IQCM: variants seen among roughly 807,000 people sequenced by gnomAD.
IQCM encodes IQ motif containing M, also known as IQ domain-containing protein M.
Under a neutral mutation model 57.6 loss-of-function variants are expected in IQCM, and 45 were observed. That is an observed-to-expected ratio of 0.78 (90% CI 0.62 to 1.00). IQCM has a LOEUF of 1.00. IQCM is among the 50% of genes least tolerant of loss of function. IQCM has a pLI of 0.00. For missense variants in IQCM, 468 were observed against 511.6 expected (o/e 0.91, Z 0.82); for synonymous variants, 148 against 158.9 (o/e 0.93, Z 0.51).
At chr4:149,538,092 G>C (rs1747481717) in intron 12 of IQCM, among the ~76,000 whole-genome samples, 1 of 151,114 alleles carries the variant, frequency 6.6e-6, no homozygotes, top group Middle Eastern at 3.5e-3. Context: ...ATATATGTTA[G>C]TTTTATATAT....
chr4:149,432,418 T>C (rs985436319), intron 13 of IQCM, among the ~76,000 whole-genome samples: 4 of 151,992 alleles, frequency 2.6e-5, no homozygotes, highest in Non-Finnish European at 4.4e-5. Context: ...TTTCAACAAA[T>C]ACCTCTGTTG....
At chr4:149,554,959 A>G (rs1423911037) in intron 10 of IQCM, among the ~76,000 whole-genome samples, 5 of 152,288 alleles carry the variant, frequency 3.3e-5, no homozygotes, top group Admixed American at 3.3e-4. Flanking sequence ...TCGGCCTCCC[A>G]AAGTGCAGTG....
At position 149,709,374 on chromosome 4, in the gene IQCM, C is replaced by T. The variant is rs72726197; in HGVS notation, c.386-22906G>A. Among the ~76,000 whole-genome samples the T allele has an allele frequency of 3.1e-3, 467 of 151,938 alleles. 1 individual carries two copies. The highest frequency in any genetic ancestry group is 5.5e-3 in the Non-Finnish European group (373 of 67,856). ...ATTTCACAGAAAATTCTCTTTTTAC[C>T]AAAGCACTTTGTGCCTGCTTTACCC... On this transcript the variant is annotated intron_variant, in intron 5 of 13. Transcript: ENST00000636793.
At chr4:149,757,759 G>A (rs1001441246) in intron 2 of IQCM, among the ~76,000 whole-genome samples, 1 of 152,020 alleles carries the variant, frequency 6.6e-6, no homozygotes, top group African/African-American at 2.4e-5. Context: ...GTGTGTGTGT[G>A]TGTGTGTATA....
intron 7 of IQCM, among the ~76,000 whole-genome samples, chr4:149,669,873 A>G (rs1480038862): frequency 6.6e-6 from 1 of 152,198 alleles, no homozygotes; most frequent in Non-Finnish European, 1.5e-5. Context: ...TGTTTTGGTT[A>G]CTGCAGCCTT....
At position 149,412,066 on chromosome 4, in the gene IQCM, T is replaced by TTG. The variant is rs35663253; in HGVS notation, c.1390+21328_1390+21329dup. Among the ~76,000 whole-genome samples, 808 of 148,818 alleles carry TTG rather than the reference T, an allele frequency of 5.4e-3. 6 individuals are homozygous for TTG. Among genetic ancestry groups the TTG allele is most frequent in the South Asian group, 0.021 (97 of 4,540 alleles). On this transcript the variant is annotated intron_variant, in intron 13 of 13. Coordinates refer to ENST00000636793, the MANE Select transcript of IQCM (RefSeq NM_001363507.2). ...AACATGTAACATTTAGTGTGTGTGT[T>TTG]TGTGTGTGTGTGTGTGTGTGTGTGT...
At chr4:149,652,327 G>C (rs1759259173) in intron 7 of IQCM, among the ~76,000 whole-genome samples, 1 of 152,022 alleles carries the variant, frequency 6.6e-6, no homozygotes. Flanking sequence ...GAGAGCATTA[G>C]GACAAATACC....
At chr4:149,637,464 A>C (rs1287826623) in intron 7 of IQCM, among the ~76,000 whole-genome samples, 1 of 152,222 alleles carries the variant, frequency 6.6e-6, no homozygotes, top group African/African-American at 2.4e-5. Flanking sequence ...CCTTCAATTC[A>C]TATATAGATT....
chr4:149,380,166 A>C lies in IQCM; in HGVS notation c.1391-28100T>G, dbSNP rs544912808. 2.0e-5 allele frequency among the ~76,000 whole-genome samples: 3 copies of C among 152,246 alleles called. No individual in the cohort carries two copies. In the South Asian group the frequency reaches 6.2e-4, roughly 32 times the overall value. On this transcript the variant is annotated intron_variant, in intron 13 of 13. Coordinates refer to ENST00000636793, the MANE Select transcript of IQCM (RefSeq NM_001363507.2). ...TCTCAGCTATGTTGAAAATGGACTA[A>C]TACAAGGCCCAAGAAAACCAGGACT...
intron 12 of IQCM, among the ~76,000 whole-genome samples, chr4:149,515,845 T>C (rs1455664221): frequency 2.0e-5 from 3 of 152,196 alleles, no homozygotes; most frequent in Non-Finnish European, 4.4e-5. Flanking sequence ...AAAAGGTATG[T>C]GGATGGACCT....
At chr4:149,441,803 T>C (rs1735967037) in intron 12 of IQCM, among the ~76,000 whole-genome samples, 1 of 152,192 alleles carries the variant, frequency 6.6e-6, no homozygotes, top group South Asian at 2.1e-4. Context: ...TTGTCCAAAA[T>C]TCAGCTTGAC....
chr4:149,776,983 C>A (rs1266682942), intron 2 of IQCM, among the ~76,000 whole-genome samples: 3 of 152,104 alleles, frequency 2.0e-5, no homozygotes, highest in Non-Finnish European at 2.9e-5. Flanking sequence ...CACCTCCAGA[C>A]CGCTTCTCAT....
intron 12 of IQCM, among the ~76,000 whole-genome samples, chr4:149,439,268 A>C (rs1437049248): frequency 2.6e-5 from 4 of 152,116 alleles, no homozygotes; most frequent in Non-Finnish European, 5.9e-5. Flanking sequence ...TAAAGAGTTC[A>C]TAAAGAAATA....
intron 5 of IQCM, among the ~76,000 whole-genome samples, chr4:149,733,013 C>T (rs1403610008): frequency 6.6e-5 from 10 of 152,170 alleles, no homozygotes; most frequent in Non-Finnish European, 1.0e-4. Context: ...GAAGACATGG[C>T]TAACAAGTTT....
intron 13 of IQCM, among the ~76,000 whole-genome samples, chr4:149,372,897 T>C (rs1730456857): frequency 6.6e-6 from 1 of 152,134 alleles, no homozygotes; most frequent in East Asian, 1.9e-4. Context: ...ATATCCACTA[T>C]ACCATATCTG....
chr4:149,812,747 CAA>C (rs1774701985), intron 2 of IQCM, among the ~76,000 whole-genome samples: 1 of 152,042 alleles, frequency 6.6e-6, no homozygotes, highest in South Asian at 2.1e-4. Flanking sequence ...GTATAAAATG[CAA>C]AGAGAAGGAA....
At chr4:149,720,290 G>T (rs956836739) in intron 5 of IQCM, among the ~76,000 whole-genome samples, 1 of 152,088 alleles carries the variant, frequency 6.6e-6, no homozygotes, top group Non-Finnish European at 1.5e-5. Flanking sequence ...TGTTTCAATT[G>T]CTTCTAAATC....
At chr4:149,759,486 G>A (rs147564321) in intron 2 of IQCM, among the ~76,000 whole-genome samples, 1,909 of 152,126 alleles carry the variant, frequency 0.013, 16 homozygotes, top group South Asian at 0.018. Context: ...AATAATAGGG[G>A]AGACTATAGT....
intron 7 of IQCM, among the ~76,000 whole-genome samples, chr4:149,622,668 C>T (rs1469506157): frequency 6.6e-6 from 1 of 152,030 alleles, no homozygotes; most frequent in Non-Finnish European, 1.5e-5. Flanking sequence ...AAAGGCCATG[C>T]CCTTTATATT....
Sources: allele counts gnomAD v4.1 joint callset (sites outside exome capture counted in the v4.1 genomes callset), GRCh38; gene constraint gnomAD v4.1.1; transcripts MANE v1.5; gene names NCBI Gene and HGNC (gene_info 2026-07-23, HGNC 2026-07-21).